The following ING5 variants were observed in gnomAD, a reference collection of about 807,000 sequenced individuals.
ING5 encodes inhibitor of growth protein 5.
A neutral mutation model predicts 37.4 loss-of-function variants in ING5; 17 were observed. The ratio of observed to expected loss-of-function variants is 0.45; its 90% CI spans 0.31 to 0.68. The LOEUF (loss-of-function observed/expected upper bound fraction) is 0.68. Among genes scored for constraint, ING5 ranks in the 30% least tolerant of loss-of-function variants. ING5 has a pLI of 0.05. For synonymous variants in ING5, 123 were observed against 116.6 expected, an observed-to-expected ratio of 1.06 and a Z score of -0.36; for missense variants, 233 against 311.9, an observed-to-expected ratio of 0.75 and a Z score of 1.91.
chr2:241,719,888 A>G, intron 5 of ING5: 1 of 1,341,808 alleles, frequency 7.5e-7, no homozygotes, highest in Middle Eastern at 2.0e-4. Flanking sequence ...ACAGATGAGA[A>G]GGGTGATCAC....
chr2:241,711,591 A>T (rs1016658673), intron 4 of ING5, 103 bp downstream of exon 4: 12 of 882,828 alleles, frequency 1.4e-5, no homozygotes, highest in Non-Finnish European at 5.2e-6. Flanking sequence ...TAGGGTAAGT[A>T]TCATATTTGG....
At position 241,687,363 on chromosome 2, in the gene ING5, C is replaced by G. The variant is rs972100369; in HGVS notation, c.-1473C>G. 5.8e-5 allele frequency: 23 copies of G among 398,738 alleles called. No homozygotes were observed. In the South Asian group the frequency reaches 2.5e-3, roughly 44 times the overall value. The allele number at this position is 398,738 out of a possible 1,614,324, so 24.7% of individuals were successfully genotyped here. A position where few individuals can be genotyped will look rare whatever the true frequency, so the allele number is the denominator to read the frequency against. ...CCCAAAGCTCACCTGGAGCCCAGCA[C>G]GACTGCGTTCTGGAAACGCTGTGTT... On this transcript the variant is annotated 5_prime_UTR_variant, in exon 1 of 8. Transcript: ENST00000636051.
chr2:241,687,562 C>T, exon 1 of ING5: 1 of 379,868 alleles, frequency 2.6e-6, no homozygotes, highest in Non-Finnish European at 4.7e-6. Flanking sequence ...GAGTCTCGCT[C>T]TGTCACCCAG....
intron 3 of ING5, among the ~76,000 whole-genome samples, chr2:241,709,725 G>A (rs1040644902): frequency 8.6e-5 from 13 of 151,854 alleles, no homozygotes; most frequent in African/African-American, 3.1e-4. Context: ...TTGTGCCTTA[G>A]CCTCCCTAGT....
At chr2:241,709,995 T>G (rs955196299) in intron 3 of ING5, among the ~76,000 whole-genome samples, 1 of 152,068 alleles carries the variant, frequency 6.6e-6, no homozygotes, top group Non-Finnish European at 1.5e-5. Context: ...CAGGCTGGAG[T>G]GCAGTGGTGT....
upstream of ING5, among the ~76,000 whole-genome samples, chr2:241,698,261 G>A (rs1437369643): frequency 1.3e-5 from 2 of 151,906 alleles, no homozygotes; most frequent in East Asian, 3.9e-4. Flanking sequence ...TGGCTAACAC[G>A]GTGAAACCCC....
intron 3 of ING5, among the ~76,000 whole-genome samples, chr2:241,709,632 A>C (rs1348111854): frequency 6.8e-6 from 1 of 147,160 alleles, no homozygotes; most frequent in Non-Finnish European, 1.5e-5. Flanking sequence ...TTTTTGAGAC[A>C]GTCTCACTTT....
chr2:241,720,156 C>T lies in ING5; in HGVS notation c.483-2783C>T, dbSNP rs1361262586. Reference sequence around the variant, plus strand: ...CGGTTGGACCCAAAGCCTGGCCTGCCGGGGCGGGAGTGTGCACTCGGGTGC... The same window carrying T: ...CGGTTGGACCCAAAGCCTGGCCTGCTGGGGCGGGAGTGTGCACTCGGGTGC... On this transcript the variant is annotated intron_variant, in intron 5 of 7. Transcript: ENST00000313552. 4.4e-5 allele frequency: 54 copies of T among 1,236,410 alleles called. No homozygotes were observed. The East Asian group carries it at 5.3e-4, about 12-fold the overall frequency. The allele number at this position is 1,236,410 out of a possible 1,614,324, so 76.6% of individuals were successfully genotyped here.
chr2:241,701,687 AGG>A (rs960510629), upstream of ING5, among the ~76,000 whole-genome samples: 1 of 152,144 alleles, frequency 6.6e-6, no homozygotes, highest in African/African-American at 2.4e-5. Flanking sequence ...GGGCGCCGTC[AGG>A]ACGGGCGTGA....
In ING5 at chr2:241,724,130, C is replaced by G. The variant is rs755684981; in HGVS notation, c.680+859C>G. On this transcript the variant is annotated intron_variant, in intron 7 of 7. Coordinates refer to ENST00000313552, the MANE Select transcript of ING5 (RefSeq NM_032329.6). ...GCTCTTCTGTGTGGCACTCAGAGGT[C>G]ATCGTGGCAGCGTGTTTGAAACTCC... The G allele has an allele frequency of 4.5e-6, 5 of 1,123,360 alleles. No homozygotes were observed. In the East Asian group the frequency reaches 2.5e-4, roughly 57 times the overall value. The allele number at this position is 1,123,360 out of a possible 1,614,324, so 69.6% of individuals were successfully genotyped here.
intron 5 of ING5, chr2:241,721,506 GCAATTGC>G: frequency 1.0e-6 from 1 of 985,502 alleles, no homozygotes; most frequent in Non-Finnish European, 1.2e-6. Flanking sequence ...ATGTGTACAG[GCAATTGC>G]AAAGGCGTAG....
In ING5 at chr2:241,702,072, AC is replaced by A; in HGVS notation, c.9del (p.Ala4ProfsTer24). 1 of 1,385,906 alleles carries A rather than the reference AC, an allele frequency of 7.2e-7. No homozygotes were observed. Among genetic ancestry groups the A allele is most frequent in the Non-Finnish European group, 9.4e-7 (1 of 1,065,048 alleles). The allele number at this position is 1,385,906 out of a possible 1,614,324, so 85.9% of individuals were successfully genotyped here. ...AGCGCGGCCGCGGACGAAGATGGCG[AC>A]CGCCATGTACTTGGAGCACTATCTG... The part of the protein sequence containing the change: MA[T>X]AMYLEHYLDS... On this transcript the variant is annotated frameshift_variant, in exon 1 of 8. Coordinates refer to ENST00000313552, the MANE Select transcript of ING5 (RefSeq NM_032329.6). LOFTEE classifies it high-confidence loss of function.
chr2:241,689,992 C>T (rs2069525727), exon 2 of ING5: 1 of 151,832 alleles, frequency 6.6e-6, no homozygotes, highest in African/African-American at 2.4e-5. Flanking sequence ...ACCACCTTCC[C>T]GGGGCTGGGC....
At chr2:241,716,309 G>A (rs182884205) in intron 5 of ING5, among the ~76,000 whole-genome samples, 9 of 135,990 alleles carry the variant, frequency 6.6e-5, no homozygotes, top group East Asian at 2.1e-4. Context: ...TTTTTGAGAC[G>A]GAGTCTTGCA....
At chr2:241,704,502 A>G in intron 1 of ING5, 151 bp from the exon 2 acceptor site, 1 of 619,674 alleles carries the variant, frequency 1.6e-6, no homozygotes, top group Non-Finnish European at 3.0e-6. Flanking sequence ...TGGGAGGTGT[A>G]GGTTGCAGTG....
upstream of ING5, chr2:241,702,010 CCGCCTCCCGCGGCACCGCCCGCCCG>C: frequency 1.5e-6 from 2 of 1,293,472 alleles, no homozygotes; most frequent in South Asian, 1.9e-5. Flanking sequence ...CGCCCCGCCC[CCGCCTCCCGCGGCACCGCCCGCCCG>C]CGCAGACCCC....
At chr2:241,709,160 G>T in intron 2 of ING5, 56 bp from the exon 3 acceptor site, 3 of 1,537,726 alleles carry the variant, frequency 2.0e-6, no homozygotes, top group Non-Finnish European at 2.6e-6. Context: ...TGCCAGTCTG[G>T]TGAGCACATC....
At chr2:241,689,862 A>G (rs945781592) in exon 2 of ING5, 2 of 144,846 alleles carry the variant, frequency 1.4e-5, no homozygotes, top group Non-Finnish European at 3.0e-5. Context: ...TGTAGTAAGG[A>G]AGACCACCTT....
intron 1 of ING5, among the ~76,000 whole-genome samples, chr2:241,704,145 G>C (rs2069828982): frequency 6.6e-6 from 1 of 152,192 alleles, no homozygotes; most frequent in African/African-American, 2.4e-5. Flanking sequence ...ACTTCTGACA[G>C]CTTCCGAAGT....
Sources: allele counts gnomAD v4.1 joint callset (sites outside exome capture counted in the v4.1 genomes callset), GRCh38; gene constraint gnomAD v4.1.1; transcripts MANE v1.5; gene names NCBI Gene and HGNC (gene_info 2026-07-23, HGNC 2026-07-21).